Variants in MKRN1 observed in about 807,000 individuals in gnomAD.
MKRN1 encodes the protein E3 ubiquitin-protein ligase makorin-1.
Under a neutral mutation model 55.5 loss-of-function variants are expected in MKRN1, and 9 were observed. The observed-to-expected ratio is 0.16, with a 90% CI of 0.10 to 0.28. MKRN1 has a LOEUF of 0.28. Ranked by LOEUF, MKRN1 falls within the 10% of genes least tolerant of loss-of-function variation. The pLI is 1.00. For synonymous variants in MKRN1, 253 were observed against 235.9 expected (o/e 1.07, Z -0.66); for missense variants, 488 against 626.7 (o/e 0.78, Z 2.36).
In MKRN1 at chr7:140,454,048, T is replaced by C. The variant is rs538999625; in HGVS notation, c.*469A>G. 3.1e-5 allele frequency: 6 copies of C among 190,770 alleles called. No individual in the cohort carries two copies. In the East Asian group the frequency reaches 3.5e-4, roughly 11 times the overall value. The allele number at this position is 190,770 out of a possible 1,614,324, so 11.8% of individuals were successfully genotyped here. A position where few individuals can be genotyped will look rare whatever the true frequency, so the allele number is the denominator to read the frequency against. ...GGGAACAGATATAAAAACACAGATG[T>C]GCAGATTTCACCAGAAACCTCAAGG... On this transcript the variant is annotated 3_prime_UTR_variant, in exon 8 of 8. Coordinates refer to ENST00000255977, the MANE Select transcript of MKRN1 (RefSeq NM_013446.4).
chr7:140,463,103 T>C (rs1396693248), intron 2 of MKRN1, among the ~76,000 whole-genome samples: 1 of 152,306 alleles, frequency 6.6e-6, no homozygotes, highest in South Asian at 2.1e-4. Flanking sequence ...TCCAAAGACA[T>C]TCATATTCCT....
intron 2 of MKRN1, among the ~76,000 whole-genome samples, chr7:140,462,102 A>G (rs957808957): frequency 2.0e-5 from 3 of 152,226 alleles, no homozygotes; most frequent in African/African-American, 7.2e-5. Context: ...ACCTTAGCTC[A>G]CTGCAGCCTC....
chr7:140,479,045 G>C (rs984424923), intron 1 of MKRN1, 115 bp downstream of exon 1: 1 of 1,191,718 alleles, frequency 8.4e-7, no homozygotes, highest in Non-Finnish European at 1.0e-6. Context: ...GACAACGCCG[G>C]TCCCCGCCCT....
At chr7:140,459,985 G>A in intron 2 of MKRN1, 49 bp from the exon 3 acceptor site, 1 of 1,505,364 alleles carries the variant, frequency 6.6e-7, no homozygotes, top group Non-Finnish European at 9.2e-7. Context: ...GGTGGCTCAA[G>A]CCTGTAATCC....
chr7:140,469,243 G>C (rs930842147), intron 2 of MKRN1, among the ~76,000 whole-genome samples: 4 of 151,340 alleles, frequency 2.6e-5, no homozygotes, highest in African/African-American at 9.7e-5. Flanking sequence ...GGAGAATGGC[G>C]TGAACCCGGG....
rs1795227150 is a variant in MKRN1 at position 140,479,421 on chromosome 7, G to C, written c.-77C>G. The C allele has an allele frequency of 3.2e-6, 4 of 1,235,752 alleles. No individual in the cohort carries two copies. The highest frequency in any genetic ancestry group is 3.1e-6 in the Non-Finnish European group (3 of 980,944). The allele number at this position is 1,235,752 out of a possible 1,614,324, so 76.5% of individuals were successfully genotyped here. On this transcript the variant is annotated 5_prime_UTR_variant, in exon 1 of 8. Coordinates refer to ENST00000255977, the MANE Select transcript of MKRN1 (RefSeq NM_013446.4). ...TCCGGTCCGGCTGCGGGGAGAGGAC[G>C]GCGAGGCCAGGCGAGGGGAGGGGAA...
At chr7:140,461,754 C>T (rs1164047390) in intron 2 of MKRN1, among the ~76,000 whole-genome samples, 1 of 151,996 alleles carries the variant, frequency 6.6e-6, no homozygotes, top group East Asian at 1.9e-4. Flanking sequence ...GAGGGTGAGG[C>T]GGGTGGATCA....
At position 140,454,743 on chromosome 7, in the gene MKRN1, G is replaced by C. The variant is rs1794418918; in HGVS notation, c.1237-14C>G. ...CCTTCGTTGGGCCTGTAAAAAACAA[G>C]GCCATGATAGGGATGGCACTGTCGA... On this transcript the variant is annotated splice_polypyrimidine_tract_variant and intron_variant, in intron 7 of 7. Transcript: ENST00000255977. 1.2e-6 allele frequency: 2 copies of C among 1,611,632 alleles called. No homozygotes were observed. The highest frequency in any genetic ancestry group is 8.5e-7 in the Non-Finnish European group (1 of 1,177,898).
intron 2 of MKRN1, among the ~76,000 whole-genome samples, chr7:140,464,064 C>T (rs535631154): frequency 1.3e-4 from 19 of 151,926 alleles, no homozygotes; most frequent in African/African-American, 4.1e-4. Flanking sequence ...ATTGCAGATG[C>T]GGCACCACCA....
chr7:140,466,553 C>G (rs897908989), intron 2 of MKRN1, among the ~76,000 whole-genome samples: 4 of 151,986 alleles, frequency 2.6e-5, no homozygotes, highest in Non-Finnish European at 5.9e-5. Flanking sequence ...GCCTGTAATC[C>G]CAGCACTTTG....
intron 1 of MKRN1, among the ~76,000 whole-genome samples, chr7:140,474,909 G>A (rs1285096152): frequency 2.0e-5 from 3 of 151,480 alleles, no homozygotes; most frequent in East Asian, 2.0e-4. Context: ...AGTAGAGAAC[G>A]GGTTTCGTCA....
intron 1 of MKRN1, among the ~76,000 whole-genome samples, chr7:140,477,713 C>T (rs1746901302): frequency 6.6e-6 from 1 of 152,228 alleles, no homozygotes; most frequent in African/African-American, 2.4e-5. Flanking sequence ...CCGCCTCAGC[C>T]TCCCAAAATG....
At chr7:140,455,632 T>G in intron 6 of MKRN1, 158 bp downstream of exon 6, 1 of 630,658 alleles carries the variant, frequency 1.6e-6, no homozygotes, top group South Asian at 1.9e-5. Context: ...TATAGCAAGA[T>G]ATATACTGGA....
rs770987129 is a variant in MKRN1 at position 140,479,223 on chromosome 7, G to T, written c.122C>A (p.Ala41Glu). 1 of 1,453,434 alleles carries T rather than the reference G, an allele frequency of 6.9e-7. No individual in the cohort carries two copies. The allele number at this position is 1,453,434 out of a possible 1,614,324, so 90.0% of individuals were successfully genotyped here. A position where few individuals can be genotyped will look rare whatever the true frequency, so the allele number is the denominator to read the frequency against. ...GTCGCTGCCGCCGCCCCCTCCGCCC[G>T]CCCCCAGGGACGGGGCGGTGACTGT... is the stretch of plus-strand genomic sequence containing the variant. ...IPTVTAPSLGAGGGGGGSDGS... is the reference protein window; with the variant it reads ...IPTVTAPSLGEGGGGGGSDGS... Residue 41 changes from alanine to glutamate, a missense_variant, in exon 1 of 8, where the codon GCG becomes GAG. Transcript: ENST00000255977.
intron 2 of MKRN1, among the ~76,000 whole-genome samples, chr7:140,461,770 G>A (rs1794627293): frequency 6.6e-6 from 1 of 151,992 alleles, no homozygotes; most frequent in Non-Finnish European, 1.5e-5. Context: ...GATCACCTGA[G>A]GTTGGGAGTT....
rs1309010037 is a variant in MKRN1, at chr7:140,459,822, T to C, written c.429A>G (p.Glu143=). Residue 143 remains glutamate, a synonymous_variant, in exon 3 of 8, where the codon GAA becomes GAG. Coordinates refer to ENST00000255977, the MANE Select transcript of MKRN1 (RefSeq NM_013446.4). ...SLSSIVGPLV[E]MNTGEAESRN... ...TTGACTCAGCTTCGCCTGTATTCATTTCAACAAGTGGTCCAACTATCGATG... is the reference window on the plus strand; with the variant it reads ...TTGACTCAGCTTCGCCTGTATTCATCTCAACAAGTGGTCCAACTATCGATG... The C allele has an allele frequency of 6.2e-7, 1 of 1,613,976 alleles. No individual in the cohort carries two copies. Among genetic ancestry groups the C allele is most frequent in the Non-Finnish European group, 8.5e-7 (1 of 1,179,868 alleles).
chr7:140,471,289 A>T (rs1794916289), intron 2 of MKRN1, among the ~76,000 whole-genome samples: 1 of 151,878 alleles, frequency 6.6e-6, no homozygotes, highest in Admixed American at 6.6e-5. Flanking sequence ...AGGTGAGAGG[A>T]TCATTTCAGC....
At chr7:140,456,498 C>A in intron 5 of MKRN1, 154 bp downstream of exon 5, 1 of 1,443,528 alleles carries the variant, frequency 6.9e-7, no homozygotes, top group Non-Finnish European at 9.1e-7. Flanking sequence ...TAGAAGCTAG[C>A]TGAAATACAA....
chr7:140,477,584 A>G (rs1056545009), intron 1 of MKRN1, among the ~76,000 whole-genome samples: 1 of 152,118 alleles, frequency 6.6e-6, no homozygotes, highest in Admixed American at 6.6e-5. Flanking sequence ...GGCCTCCCAA[A>G]GTGCTGGGAT....
Sources: gnomAD v4.1 joint callset for allele counts (sites outside exome capture counted in the v4.1 genomes callset) on GRCh38, gnomAD v4.1.1 for gene constraint, MANE v1.5 for transcripts, NCBI Gene and HGNC (gene_info 2026-07-23, HGNC 2026-07-21) for gene names.